Variants in ERP44 observed in about 807,000 individuals in gnomAD.
ERP44 encodes endoplasmic reticulum resident protein 44.
In ERP44, 25 loss-of-function variants were observed where a neutral mutation model predicts 53.4. That is an observed-to-expected ratio of 0.47 (90% CI 0.34 to 0.65). ERP44 has a LOEUF of 0.65. ERP44 is among the 30% of genes least tolerant of loss of function. The probability of loss-of-function intolerance (pLI) is 0.01; values close to 1 mark genes in which losing one functional copy is unlikely to be tolerated. For synonymous variants in ERP44, 145 were observed against 161.2 expected (o/e 0.90, Z 0.76); for missense variants, 338 against 493.2 (o/e 0.69, Z 2.98).
intron 1 of ERP44, among the ~76,000 whole-genome samples, chr9:100,068,913 G>A (rs1026184195): frequency 6.6e-6 from 1 of 152,240 alleles, no homozygotes; most frequent in African/African-American, 2.4e-5. Flanking sequence ...GAAAGAAGTA[G>A]ACATGGGAGT....
At position 99,980,056 on chromosome 9, in the gene ERP44, A is replaced by T. The variant is rs1230265688; in HGVS notation, c.*2556T>A. 2.5e-6 allele frequency: 1 copy of T among 398,416 alleles called. No homozygotes were observed. The highest frequency in any genetic ancestry group is 4.4e-5 in the Admixed American group (1 of 22,706). The allele number at this position is 398,416 out of a possible 1,614,324, so 24.7% of individuals were successfully genotyped here. ...TAGGCTGTTTCATACCTTTGCTCAGATTATTCCCTCTCAGCCAGATCCCTA... is the reference window on the plus strand; with the variant it reads ...TAGGCTGTTTCATACCTTTGCTCAGTTTATTCCCTCTCAGCCAGATCCCTA... On this transcript the variant is annotated 3_prime_UTR_variant, in exon 12 of 12. Coordinates refer to ENST00000262455, the MANE Select transcript of ERP44 (RefSeq NM_015051.3).
chr9:100,097,080 A>G (rs1826641374), intron 1 of ERP44, among the ~76,000 whole-genome samples: 1 of 152,124 alleles, frequency 6.6e-6, no homozygotes, highest in African/African-American at 2.4e-5. Flanking sequence ...ATTCTCTAAC[A>G]TATTTTCCAG....
rs1830619934 is a variant in ERP44 at position 100,023,603 on chromosome 9, T to A, written c.287-1377A>T. On this transcript the variant is annotated intron_variant, in intron 4 of 11. Transcript: ENST00000262455. Reference sequence around the variant, plus strand: ...GCCACCATGCCTGGCTAATCTTAAATTTTTTTAATTTTTAATTATTTTTTG... The same window carrying A: ...GCCACCATGCCTGGCTAATCTTAAAATTTTTTAATTTTTAATTATTTTTTG... Among the ~76,000 whole-genome samples, 3 of 151,624 alleles carry A rather than the reference T, an allele frequency of 2.0e-5. No individual in the cohort carries two copies. In the East Asian group the frequency reaches 5.8e-4, roughly 29 times the overall value.
rs1471962422 is a variant in ERP44, at chr9:99,993,610, T to C, written c.1017-8541A>G. ...TCAGGACATAGGCATGGGCAAGGAC[T>C]TTATGGCTCAAACACCAAAAGCAAT... On this transcript the variant is annotated intron_variant, in intron 10 of 11. Transcript: ENST00000262455. Among the ~76,000 whole-genome samples the C allele has an allele frequency of 2.0e-5, 3 of 152,338 alleles. No homozygotes were observed. In the East Asian group the frequency reaches 5.8e-4, roughly 29 times the overall value.
chr9:100,047,489 C>A (rs140844731), intron 4 of ERP44, among the ~76,000 whole-genome samples: 2,335 of 152,230 alleles, frequency 0.015, 46 homozygotes, highest in Non-Finnish European at 0.02. Flanking sequence ...ATAAATGATG[C>A]TGGAAAACCT....
At chr9:100,020,469 C>A in intron 6 of ERP44, 147 bp downstream of exon 6, 2 of 529,514 alleles carry the variant, frequency 3.8e-6, no homozygotes, top group African/African-American at 3.9e-5. Context: ...AAAAAGAATT[C>A]AGAGACAGGT....
chr9:100,091,901 A>G (rs1826561570), intron 1 of ERP44, among the ~76,000 whole-genome samples: 1 of 152,190 alleles, frequency 6.6e-6, no homozygotes, highest in Admixed American at 6.5e-5. Context: ...GAGTAGCAGG[A>G]TCTATAACCC....
Position 100,003,211 on chromosome 9 carries a change from G to A in ERP44, c.1016+3295C>T, listed in dbSNP as rs117697705. 2.4e-3 allele frequency among the ~76,000 whole-genome samples: 361 copies of A among 152,196 alleles called. 1 individual carries two copies. The highest frequency in any genetic ancestry group is 3.9e-3 in the Non-Finnish European group (268 of 68,004). Reference sequence around the variant, plus strand: ...CTTGCTTTCCTGATTTCATTGAATTGTTTCTCAGTATTTTCTTGAAGTTCA... The same window carrying A: ...CTTGCTTTCCTGATTTCATTGAATTATTTCTCAGTATTTTCTTGAAGTTCA... On this transcript the variant is annotated intron_variant, in intron 10 of 11. Coordinates refer to ENST00000262455, the MANE Select transcript of ERP44 (RefSeq NM_015051.3).
rs536978172 is a variant in ERP44, at chr9:100,018,282, C to T, written c.619G>A (p.Asp207Asn). The T allele has an allele frequency of 2.2e-5, 35 of 1,606,364 alleles. 1 individual carries two copies. Among genetic ancestry groups the T allele is most frequent in the Middle Eastern group, 1.7e-4 (1 of 6,050 alleles). Residue 207 changes from aspartate to asparagine, a missense_variant, in exon 7 of 12, where the codon GAC becomes AAC. Physicochemically the swap from Asp to Asn is conservative, Grantham distance 23. Coordinates refer to ENST00000262455, the MANE Select transcript of ERP44 (RefSeq NM_015051.3). ...CCTGGTGGTTTGTAGATTATGTTGT[C>T]GCCACTATATCTTTCCGGTTTTGAA... ...DVSKPERYSG[D>N]NIIYKPPGHS...
At chr9:100,035,036 ACTGGACCT>A (rs1342852331) in intron 4 of ERP44, among the ~76,000 whole-genome samples, 1 of 152,232 alleles carries the variant, frequency 6.6e-6, no homozygotes, top group African/African-American at 2.4e-5. Context: ...AAAGAATGAA[ACTGGACCT>A]CTACATATCA....
At chr9:99,998,073 AC>A (rs1830332678) in intron 10 of ERP44, among the ~76,000 whole-genome samples, 1 of 152,236 alleles carries the variant, frequency 6.6e-6, no homozygotes, top group Non-Finnish European at 1.5e-5. Context: ...AACAACAAAT[AC>A]TAGTGTATAA....
intron 5 of ERP44, among the ~76,000 whole-genome samples, chr9:100,020,984 TA>T (rs1451474868): frequency 6.6e-6 from 1 of 152,208 alleles, no homozygotes; most frequent in South Asian, 2.1e-4. Context: ...AAGAAATAGA[TA>T]ACTATTTGAT....
At chr9:100,012,992 C>A (rs1435670152) in intron 8 of ERP44, among the ~76,000 whole-genome samples, 1 of 152,016 alleles carries the variant, frequency 6.6e-6, no homozygotes, top group Non-Finnish European at 1.5e-5. Flanking sequence ...CAAAAATACC[C>A]CAAGAATGCA....
intron 4 of ERP44, among the ~76,000 whole-genome samples, chr9:100,051,587 A>T (rs984275453): frequency 6.6e-6 from 1 of 152,198 alleles, no homozygotes; most frequent in African/African-American, 2.4e-5. Context: ...AAAAGTGAGC[A>T]TTAAAAAAAG....
At chr9:99,999,086 CGTTCCCA>C (rs1830348022) in intron 10 of ERP44, 1 of 694,252 alleles carries the variant, frequency 1.4e-6, no homozygotes, top group African/African-American at 1.8e-5. Flanking sequence ...AGCGCACGGC[CGTTCCCA>C]CAGCGGCGGG....
At chr9:100,070,452 C>G (rs1480181230) in intron 1 of ERP44, among the ~76,000 whole-genome samples, 2 of 152,192 alleles carry the variant, frequency 1.3e-5, no homozygotes, top group African/African-American at 4.8e-5. Flanking sequence ...TATATATTCT[C>G]TAAAGAAGAT....
In ERP44 at chr9:99,999,008, G is replaced by C. The variant is rs1564086440; in HGVS notation, c.1016+7498C>G. The C allele has an allele frequency of 2.7e-6, 3 of 1,091,794 alleles. No homozygotes were observed. The Admixed American group carries it at 5.4e-5, about 20-fold the overall frequency. 67.6% of individuals were successfully genotyped at this position (1,091,794 alleles called of 1,614,324 possible). On this transcript the variant is annotated intron_variant, in intron 10 of 11. Coordinates refer to ENST00000262455, the MANE Select transcript of ERP44 (RefSeq NM_015051.3). The stretch of plus-strand genomic sequence containing the variant: ...GCGGCAAAGAACTGGAAGTAGTCGT[G>C]CGTGGGCAGCGGGCGCAGCTGCTCC...
At chr9:100,010,863 T>C (rs914459128) in intron 8 of ERP44, among the ~76,000 whole-genome samples, 1 of 145,718 alleles carries the variant, frequency 6.9e-6, no homozygotes, top group Non-Finnish European at 1.5e-5. Context: ...ATCGCACCAT[T>C]GCACTCCAGC....
chr9:99,986,511 G>A (rs1418637227), intron 10 of ERP44, among the ~76,000 whole-genome samples: 1 of 152,074 alleles, frequency 6.6e-6, no homozygotes, highest in Non-Finnish European at 1.5e-5. Flanking sequence ...AATTCCTTGG[G>A]TAGAATTGAT....
Sources: allele counts gnomAD v4.1 joint callset (sites outside exome capture counted in the v4.1 genomes callset), GRCh38; gene constraint gnomAD v4.1.1; transcripts MANE v1.5; gene names NCBI Gene and HGNC (gene_info 2026-07-23, HGNC 2026-07-21).